The following TAF3 variants were observed in gnomAD, a reference collection of about 807,000 sequenced individuals.
TAF3 encodes transcription initiation factor TFIID subunit 3.
In TAF3, 7 loss-of-function variants were observed where a neutral mutation model predicts 80.6. The ratio of observed to expected loss-of-function variants is 0.09; its 90% confidence interval spans 0.05 to 0.16. TAF3 has a LOEUF of 0.16. TAF3 is among the 10% of genes least tolerant of loss of function. The pLI, the probability that TAF3 is intolerant of heterozygous loss-of-function variation, is 1.00. For missense variants in TAF3, 921 were observed against 1,140.2 expected (o/e 0.81, Z 2.77); for synonymous variants, 444 against 446.1 (o/e 1.00, Z 0.06).
intron 2 of TAF3, among the ~76,000 whole-genome samples, chr10:7,941,375 G>T (rs1157452577): frequency 1.3e-5 from 2 of 152,252 alleles, no homozygotes; most frequent in Non-Finnish European, 2.9e-5. Flanking sequence ...ATCAGCAGTT[G>T]TTGCTAGATA....
intron 2 of TAF3, among the ~76,000 whole-genome samples, chr10:7,828,073 G>C (rs532233056): frequency 6.6e-6 from 1 of 152,126 alleles, no homozygotes; most frequent in African/African-American, 2.4e-5. Context: ...CACGCTATAA[G>C]GGGAATCGGT....
chr10:7,849,835 A>G (rs1391428620), intron 2 of TAF3, among the ~76,000 whole-genome samples: 1 of 151,870 alleles, frequency 6.6e-6, no homozygotes, highest in Non-Finnish European at 1.5e-5. Context: ...ATGCACCACC[A>G]TGTCTGTCTA....
intron 2 of TAF3, among the ~76,000 whole-genome samples, chr10:7,918,549 T>C (rs1379410979): frequency 6.6e-6 from 1 of 152,044 alleles, no homozygotes; most frequent in African/African-American, 2.4e-5. Flanking sequence ...GGAATGTGGG[T>C]CCTGGGGTGG....
chr10:7,860,108 T>TA (rs1220726931), intron 2 of TAF3, among the ~76,000 whole-genome samples: 1 of 151,746 alleles, frequency 6.6e-6, no homozygotes, highest in Non-Finnish European at 1.5e-5. Context: ...CTGTCTCTAC[T>TA]AAAAAATACA....
At chr10:7,869,770 A>G (rs1837247840) in intron 2 of TAF3, among the ~76,000 whole-genome samples, 1 of 152,258 alleles carries the variant, frequency 6.6e-6, no homozygotes, top group African/African-American at 2.4e-5. Flanking sequence ...CTGCATCTGC[A>G]GTGCATATTA....
Position 8,015,901 on chromosome 10 carries a change from G to A in TAF3, c.*1150G>A, listed in dbSNP as rs561264474. 4 of 150,368 alleles carry A rather than the reference G, an allele frequency of 2.7e-5. No homozygotes were observed. Among genetic ancestry groups the A allele is most frequent in the African/African-American group, 7.3e-5 (3 of 41,080 alleles). 9.3% of individuals were successfully genotyped at this position (150,368 alleles called of 1,614,324 possible). The stretch of plus-strand genomic sequence containing the variant: ...AAACCCACATATACTGTAGCATTTT[G>A]TCTTTATATTGTTTTATTTCTACAA... On this transcript the variant is annotated 3_prime_UTR_variant, in exon 7 of 7. Transcript: ENST00000344293.
At chr10:7,984,646 C>T (rs7894336) in intron 4 of TAF3, among the ~76,000 whole-genome samples, 78,515 of 152,004 alleles carry the variant, frequency 0.52, 20,418 homozygotes, top group Admixed American at 0.58. Context: ...ATGACCACCT[C>T]TTTAGATATG....
intron 2 of TAF3, among the ~76,000 whole-genome samples, chr10:7,826,413 G>A (rs1437277245): frequency 6.6e-6 from 1 of 152,064 alleles, no homozygotes; most frequent in Non-Finnish European, 1.5e-5. Flanking sequence ...AGATTAGGTA[G>A]TGAAGAAGTA....
chr10:7,946,071 A>G (rs1588561495), intron 2 of TAF3, among the ~76,000 whole-genome samples: 1 of 152,104 alleles, frequency 6.6e-6, no homozygotes, highest in African/African-American at 2.4e-5. Context: ...GGCTGAAGCC[A>G]CCCTCTCGGG....
rs1247563514 is a variant in TAF3 at position 7,824,412 on chromosome 10, T to C, written c.261T>C (p.Ile87=). The C allele has an allele frequency of 6.2e-7, 1 of 1,614,054 alleles. No individual in the cohort carries two copies. The highest frequency in any genetic ancestry group is 2.2e-5 in the East Asian group (1 of 44,886). The change falls in exon 2 of 7, where the codon ATT becomes ATC. Residue 87 remains isoleucine (I), a synonymous_variant. Transcript: ENST00000344293. The stretch of plus-strand genomic sequence containing the variant: ...AACTAGAAGACTATATTCACAACAT[T>C]GAGCCTGTCACCTTCCCACACCAAA... ...LHELEDYIHN[I]EPVTFPHQIP... is the part of the protein sequence containing the mutation.
chr10:7,974,446 A>G (rs181526540), intron 3 of TAF3, among the ~76,000 whole-genome samples: 18 of 152,354 alleles, frequency 1.2e-4, no homozygotes, highest in African/African-American at 3.1e-4. Context: ...CTTAGTGTCA[A>G]TCAGTGCTAA....
At chr10:7,864,050 T>C (rs1837184576) in intron 2 of TAF3, among the ~76,000 whole-genome samples, 1 of 152,138 alleles carries the variant, frequency 6.6e-6, no homozygotes, top group African/African-American at 2.4e-5. Flanking sequence ...TAAGCCAGTG[T>C]GGTAGGTACA....
chr10:7,926,977 A>G (rs1303448624), intron 2 of TAF3, among the ~76,000 whole-genome samples: 1 of 152,180 alleles, frequency 6.6e-6, no homozygotes, highest in Non-Finnish European at 1.5e-5. Context: ...GAATCCAAAG[A>G]TGAAAGTGGC....
intron 2 of TAF3, 77 bp downstream of exon 2, chr10:7,824,637 T>C (rs551099456): frequency 2.0e-6 from 3 of 1,489,522 alleles, no homozygotes; most frequent in African/African-American, 2.8e-5. Context: ...CCATGCTATG[T>C]CAACTTTATA....
intron 5 of TAF3, among the ~76,000 whole-genome samples, chr10:8,010,382 C>T (rs182382372): frequency 3.3e-4 from 50 of 152,262 alleles, no homozygotes; most frequent in African/African-American, 1.1e-3. Context: ...AATGTAGAGA[C>T]GCATGGTGGT....
rs139289457 is a variant in TAF3 at position 7,969,937 on chromosome 10, GAC to G, written c.2232+4197_2232+4198del. Reference sequence around the variant, plus strand: ...TTCCTCCCATTCAAAACTAGGAAGAGACAGCAGCATTCTAAAGTTTAACTTAT... The same window carrying G: ...TTCCTCCCATTCAAAACTAGGAAGAGAGCAGCATTCTAAAGTTTAACTTAT... On this transcript the variant is annotated intron_variant, in intron 3 of 6. Coordinates refer to ENST00000344293, the MANE Select transcript of TAF3 (RefSeq NM_031923.4). Among the ~76,000 whole-genome samples, 1,194 of 152,324 alleles carry G rather than the reference GAC, an allele frequency of 7.8e-3. 13 individuals carry two copies. The highest frequency in any genetic ancestry group is 0.027 in the African/African-American group (1,118 of 41,560).
chr10:7,964,513 G>A lies in TAF3; in HGVS notation c.1003G>A (p.Val335Met). Reference sequence around the variant, plus strand: ...CACGACTCACATTCCCCAAACACCTGTGAGACCTGAAACGCCCAACAGGAC... The same window carrying A: ...CACGACTCACATTCCCCAAACACCTATGAGACCTGAAACGCCCAACAGGAC... ...KVTTHIPQTP[V>M]RPETPNRTPS... The change falls in exon 3 of 7, where the codon GTG becomes ATG. Residue 335 changes from valine to methionine, a missense_variant. Val to Met is a conservative substitution (Grantham distance 21). This residue lies in a region of TAF3 where 743 missense variants were observed against 821.0 expected (regional missense o/e 0.90). Coordinates refer to ENST00000344293, the MANE Select transcript of TAF3 (RefSeq NM_031923.4). This position sits in a 1 kb window ranked among gnomAD's most constrained non-coding sequence, Gnocchi z 4.1. 1 of 1,613,422 alleles carries A rather than the reference G, an allele frequency of 6.2e-7. No individual in the cohort carries two copies. Among genetic ancestry groups the A allele is most frequent in the South Asian group, 1.1e-5 (1 of 91,012 alleles).
At chr10:7,940,356 T>C (rs924110296) in intron 2 of TAF3, among the ~76,000 whole-genome samples, 8 of 152,226 alleles carry the variant, frequency 5.3e-5, no homozygotes, top group Non-Finnish European at 2.9e-5. Context: ...AGTATATTTT[T>C]AGCATGATGC....
At chr10:7,963,380 C>T (rs1205905653) in intron 2 of TAF3, among the ~76,000 whole-genome samples, 4 of 152,018 alleles carry the variant, frequency 2.6e-5, no homozygotes, top group African/African-American at 7.3e-5. Flanking sequence ...CTGGAAATAC[C>T]GAGCAATTTC....
Sources: gnomAD v4.1 joint callset for allele counts (sites outside exome capture counted in the v4.1 genomes callset) on GRCh38, gnomAD v4.1.1 for gene constraint, gnomAD v4.1.1 regional missense constraint, Gnocchi (gnomAD v3.1) non-coding constraint, MANE v1.5 for transcripts, NCBI Gene and HGNC (gene_info 2026-07-23, HGNC 2026-07-21) for gene names.